Variants in ACVR2A observed in about 807,000 individuals in gnomAD.
ACVR2A encodes the protein activin receptor type-2A.
In ACVR2A, 7 loss-of-function variants were observed where a neutral mutation model predicts 61.4. That is an observed-to-expected ratio of 0.11 (90% confidence interval 0.06 to 0.21). The LOEUF (loss-of-function observed/expected upper bound fraction) is 0.21, where lower values mean the gene tolerates loss of function less well. Among genes scored for constraint, ACVR2A ranks in the 10% least tolerant of loss-of-function variants. The probability of loss-of-function intolerance (pLI) is 1.00; values close to 1 mark genes in which losing one functional copy is unlikely to be tolerated. For synonymous variants in ACVR2A, 193 were observed against 208.3 expected (o/e 0.93, Z 0.63); for missense variants, 322 against 621.7 (o/e 0.52, Z 5.13).
intron 4 of ACVR2A, among the ~76,000 whole-genome samples, chr2:147,913,174 A>G (rs954326681): frequency 6.6e-6 from 1 of 151,856 alleles, no homozygotes; most frequent in South Asian, 2.1e-4. Flanking sequence ...AATTGCTGAC[A>G]TATTAATTGT....
At position 147,918,464 on chromosome 2, in the gene ACVR2A, T is replaced by C. The variant is rs1687305424; in HGVS notation, c.834T>C (p.Phe278=). The change falls in exon 7 of 11, where the codon TTT becomes TTC. Residue 278 remains phenylalanine, a synonymous_variant. Coordinates refer to ENST00000241416, the MANE Select transcript of ACVR2A (RefSeq NM_001616.5). The stretch of plus-strand genomic sequence containing the variant: ...TTTTTTAGGGTTCACTATCAGACTT[T>C]CTTAAGGCTAATGTGGTCTCTTGGA... ...AFHEKGSLSD[F]LKANVVSWNE... The C allele has an allele frequency of 6.2e-7, 1 of 1,609,006 alleles. No individual in the cohort carries two copies. The highest frequency in any genetic ancestry group is 1.1e-5 in the South Asian group (1 of 89,844).
At chr2:147,887,730 A>G (rs1686477249) in intron 1 of ACVR2A, among the ~76,000 whole-genome samples, 2 of 152,202 alleles carry the variant, frequency 1.3e-5, no homozygotes, top group South Asian at 4.1e-4. Flanking sequence ...CTTATTTTTT[A>G]TGGTGAGAAC....
chr2:147,905,447 TTAGG>T lies in ACVR2A; in HGVS notation c.528+5551_528+5554del, dbSNP rs561013686. On this transcript the variant is annotated intron_variant, in intron 4 of 10. Coordinates refer to ENST00000241416, the MANE Select transcript of ACVR2A (RefSeq NM_001616.5). The stretch of plus-strand genomic sequence containing the variant: ...TTTTTTTTTAAGCTTAGAGTTTGTA[TTAGG>T]TTTCTGCAAAGACAGAACTCACATC... Among the ~76,000 whole-genome samples the T allele has an allele frequency of 7.2e-5, 11 of 152,176 alleles. No individual in the cohort carries two copies. In the South Asian group the frequency reaches 2.3e-3, roughly 32 times the overall value.
intron 7 of ACVR2A, among the ~76,000 whole-genome samples, chr2:147,918,821 G>A (rs1021577920): frequency 6.6e-6 from 1 of 151,938 alleles, no homozygotes; most frequent in Non-Finnish European, 1.5e-5. Context: ...TCTCATTTCT[G>A]AAAGCATGAT....
At chr2:147,858,773 C>T (rs978928858) in intron 1 of ACVR2A, among the ~76,000 whole-genome samples, 2 of 152,188 alleles carry the variant, frequency 1.3e-5, no homozygotes, top group African/African-American at 4.8e-5. Context: ...AGCTGTAACA[C>T]AAAAGCAGTC....
intron 6 of ACVR2A, 119 bp from the exon 7 acceptor site, chr2:147,918,328 T>C: frequency 1.3e-6 from 1 of 796,708 alleles, no homozygotes; most frequent in Non-Finnish European, 1.9e-6. Context: ...GATTGTTTCT[T>C]GGATATTATT....
chr2:147,915,391 A>C, intron 5 of ACVR2A, 57 bp downstream of exon 5: 1 of 1,597,780 alleles, frequency 6.3e-7, no homozygotes, highest in Non-Finnish European at 8.5e-7. Flanking sequence ...AGGTCATCAT[A>C]ACTCAGAAAT....
chr2:147,859,726 T>C (rs980126784), intron 1 of ACVR2A, among the ~76,000 whole-genome samples: 1 of 152,070 alleles, frequency 6.6e-6, no homozygotes, highest in Non-Finnish European at 1.5e-5. Flanking sequence ...ATGAGGCGCA[T>C]GAAAAGTGTA....
At chr2:147,851,008 T>C (rs1685432851) in intron 1 of ACVR2A, among the ~76,000 whole-genome samples, 1 of 152,152 alleles carries the variant, frequency 6.6e-6, no homozygotes, top group Admixed American at 6.6e-5. Context: ...GCTGCCAGTA[T>C]CTAGCTTATG....
chr2:147,877,791 A>C (rs1384848484), intron 1 of ACVR2A, among the ~76,000 whole-genome samples: 1 of 152,172 alleles, frequency 6.6e-6, no homozygotes, highest in Non-Finnish European at 1.5e-5. Flanking sequence ...AATGTGAGTA[A>C]TAGGCTTTAC....
chr2:147,930,313 G>A lies in ACVR2A; in HGVS notation c.*3039G>A, dbSNP rs1306416744. On this transcript the variant is annotated 3_prime_UTR_variant, in exon 11 of 11. Transcript: ENST00000241416. The stretch of plus-strand genomic sequence containing the variant: ...GTGGTAGGGGAAAAAAAACCATGGC[G>A]AGATGGTGGTTTAGTGGAATAAACT... 1 of 151,014 alleles carries A rather than the reference G, an allele frequency of 6.6e-6. No individual in the cohort carries two copies. The highest frequency in any genetic ancestry group is 1.5e-5 in the Non-Finnish European group (1 of 67,768). 9.4% of individuals were successfully genotyped at this position (151,014 alleles called of 1,614,324 possible).
intron 1 of ACVR2A, among the ~76,000 whole-genome samples, chr2:147,879,169 A>C (rs1041765626): frequency 6.6e-6 from 1 of 152,068 alleles, no homozygotes; most frequent in Admixed American, 6.5e-5. Context: ...CTGTTTTTCA[A>C]CTTTGTTTTA....
At chr2:147,924,633 A>G (rs745588482) in intron 9 of ACVR2A, among the ~76,000 whole-genome samples, 2 of 152,026 alleles carry the variant, frequency 1.3e-5, no homozygotes, top group Non-Finnish European at 2.9e-5. Flanking sequence ...CCCAATTGTT[A>G]AGTCAGAAAT....
chr2:147,926,377 A>G (rs1237954218), intron 10 of ACVR2A, among the ~76,000 whole-genome samples: 2 of 151,880 alleles, frequency 1.3e-5, no homozygotes, highest in Non-Finnish European at 2.9e-5. Flanking sequence ...CTTTTGTCTC[A>G]ATGGTCCTGT....
chr2:147,918,437 CT>C lies in ACVR2A; in HGVS notation c.817-3del. On this transcript the variant is annotated splice_polypyrimidine_tract_variant and intron_variant, in intron 6 of 10. Transcript: ENST00000241416. Reference sequence around the variant, plus strand: ...AGAACATAAGTTTCTTTTTTTCCCTCTTTTTTTAGGGTTCACTATCAGACTT... The same window carrying C: ...AGAACATAAGTTTCTTTTTTTCCCTCTTTTTTAGGGTTCACTATCAGACTT... The C allele has an allele frequency of 6.3e-7, 1 of 1,592,736 alleles. No homozygotes were observed. Among genetic ancestry groups the C allele is most frequent in the Non-Finnish European group, 8.5e-7 (1 of 1,173,138 alleles).
At chr2:147,867,716 T>A (rs1685899234) in intron 1 of ACVR2A, among the ~76,000 whole-genome samples, 1 of 152,166 alleles carries the variant, frequency 6.6e-6, no homozygotes, top group African/African-American at 2.4e-5. Flanking sequence ...TCCTGACAGT[T>A]AACTTCTTAA....
At chr2:147,894,976 G>A (rs1686692769) in intron 1 of ACVR2A, among the ~76,000 whole-genome samples, 1 of 151,992 alleles carries the variant, frequency 6.6e-6, no homozygotes, top group South Asian at 2.1e-4. Context: ...GTTGGAAAAG[G>A]CTTTGGAGAT....
chr2:147,908,828 A>G (rs1200758044), intron 4 of ACVR2A, among the ~76,000 whole-genome samples: 1 of 152,116 alleles, frequency 6.6e-6, no homozygotes, highest in Non-Finnish European at 1.5e-5. Flanking sequence ...GAAAAAAATC[A>G]GTCTCTCTCT....
At position 147,926,723 on chromosome 2, in the gene ACVR2A, G is replaced by T. The variant is rs71430091; in HGVS notation, c.1348-357G>T. Among the ~76,000 whole-genome samples the T allele has an allele frequency of 3.7e-3, 555 of 151,954 alleles. 3 individuals are homozygous for T. Among genetic ancestry groups the T allele is most frequent in the Non-Finnish European group, 6.2e-3 (421 of 67,888 alleles). On this transcript the variant is annotated intron_variant, in intron 10 of 10. Transcript: ENST00000241416. Reference sequence around the variant, plus strand: ...TGGCTTTCTGATCTTCTGTTTAATTGTAAGATAGAAATGCTGATATTAACT... The same window carrying T: ...TGGCTTTCTGATCTTCTGTTTAATTTTAAGATAGAAATGCTGATATTAACT...
Sources: gnomAD v4.1 joint callset for allele counts (sites outside exome capture counted in the v4.1 genomes callset) on GRCh38, gnomAD v4.1.1 for gene constraint, MANE v1.5 for transcripts, NCBI Gene and HGNC (gene_info 2026-07-23, HGNC 2026-07-21) for gene names.